Variants in WSCD2 observed in about 807,000 individuals in gnomAD.
The protein encoded by WSCD2 is WSC domain sialate O sulfotransferase 2.
Under a neutral mutation model 55.7 loss-of-function variants are expected in WSCD2, and 28 were observed. That is an observed-to-expected ratio of 0.50 (90% CI 0.37 to 0.69). The LOEUF (loss-of-function observed/expected upper bound fraction) is 0.69, where lower values mean the gene tolerates loss of function less well. WSCD2 is among the 30% of genes least tolerant of loss of function. WSCD2 has a pLI of 0.00. For synonymous variants in WSCD2, 301 were observed against 301.9 expected, an observed-to-expected ratio of 1.00 and a Z score of 0.03; for missense variants, 616 against 762.1, an observed-to-expected ratio of 0.81 and a Z score of 2.26.
intron 1 of WSCD2, among the ~76,000 whole-genome samples, chr12:108,141,530 C>T (rs1300437494): frequency 3.9e-5 from 6 of 152,188 alleles, no homozygotes; most frequent in Non-Finnish European, 8.8e-5. Flanking sequence ...CATTGGAGGG[C>T]TGCCCATATT....
At chr12:108,243,386 C>G (rs1421686028) in intron 8 of WSCD2, among the ~76,000 whole-genome samples, 1 of 152,104 alleles carries the variant, frequency 6.6e-6, no homozygotes, top group African/African-American at 2.4e-5. Flanking sequence ...TACAGGTGCC[C>G]AGCACCACAC....
At chr12:108,237,041 G>C (rs1889328759) in intron 7 of WSCD2, among the ~76,000 whole-genome samples, 1 of 152,240 alleles carries the variant, frequency 6.6e-6, no homozygotes, top group Non-Finnish European at 1.5e-5. Flanking sequence ...CCCAGCTGAT[G>C]CAGGACAACA....
chr12:108,248,551 C>T lies in WSCD2; in HGVS notation c.*208C>T, dbSNP rs1316579085. The T allele has an allele frequency of 3.6e-6, 5 of 1,375,498 alleles. No individual in the cohort carries two copies. In the East Asian group the frequency reaches 1.3e-4, roughly 37 times the overall value. The allele number at this position is 1,375,498 out of a possible 1,614,324, so 85.2% of individuals were successfully genotyped here. ...GGCACTACCACTCTGCTCACATGTT[C>T]CCCCCTTGGCAATGTGGGGCATCTT... On this transcript the variant is annotated 3_prime_UTR_variant, in exon 9 of 9. Coordinates refer to ENST00000547525, the MANE Select transcript of WSCD2 (RefSeq NM_014653.4). The surrounding 1 kb of genome is among the most constrained non-coding windows in gnomAD (Gnocchi z 4.3).
Position 108,224,840 on chromosome 12 carries a change from G to A in WSCD2, c.784G>A (p.Val262Met), listed in dbSNP as rs758442750. ...AMLNMSVDKCVDFCTEKEYPL... is the reference protein window; with the variant it reads ...AMLNMSVDKCMDFCTEKEYPL... The stretch of plus-strand genomic sequence containing the variant: ...GCTGAACATGTCTGTGGACAAATGC[G>A]TGGACTTCTGCACTGAGAAGGTGAG... Residue 262 changes from valine (V) to methionine (M), a missense_variant, in exon 5 of 9, where the codon GTG becomes ATG. Val to Met is a conservative substitution (Grantham distance 21, BLOSUM62 1). Transcript: ENST00000547525. The A allele has an allele frequency of 1.9e-5, 31 of 1,613,542 alleles. No individual in the cohort carries two copies. The East Asian group carries it at 2.7e-4, about 14-fold the overall frequency.
At chr12:108,136,695 A>G (rs919442436) in intron 1 of WSCD2, among the ~76,000 whole-genome samples, 35 of 151,796 alleles carry the variant, frequency 2.3e-4, no homozygotes, top group Non-Finnish European at 4.6e-4. Context: ...AGCGCATGGC[A>G]GAGCCCACGT....
At chr12:108,147,614 T>G (rs1877537256) in intron 1 of WSCD2, among the ~76,000 whole-genome samples, 1 of 152,128 alleles carries the variant, frequency 6.6e-6, no homozygotes, top group African/African-American at 2.4e-5. Flanking sequence ...TGGTGGCTCA[T>G]GCCTGTAATT....
chr12:108,133,751 C>T (rs920062779), intron 1 of WSCD2, among the ~76,000 whole-genome samples: 4 of 152,168 alleles, frequency 2.6e-5, no homozygotes, highest in Non-Finnish European at 5.9e-5. Flanking sequence ...CCCCTGCCCC[C>T]GCCTCCCTCA....
At chr12:108,238,047 T>C (rs755803128) in intron 7 of WSCD2, among the ~76,000 whole-genome samples, 3 of 152,220 alleles carry the variant, frequency 2.0e-5, no homozygotes, top group African/African-American at 7.2e-5. Context: ...AATGAAACCA[T>C]GGATGGAAAG....
chr12:108,210,108 C>T lies in WSCD2; in HGVS notation c.498-13C>T, dbSNP rs373727021. 141 of 1,613,926 alleles carry T rather than the reference C, an allele frequency of 8.7e-5. No homozygotes were observed. Among genetic ancestry groups the T allele is most frequent in the Non-Finnish European group, 1.1e-4 (133 of 1,179,988 alleles). On this transcript the variant is annotated splice_polypyrimidine_tract_variant and intron_variant, in intron 3 of 8. Transcript: ENST00000547525. The surrounding 1 kb of genome is among the most constrained non-coding windows in gnomAD (Gnocchi z 4.3). ...TGGTGGCAGCTACCCTGCTTGACAG[C>T]AGCCTCCCCCAGGGGTTACCTGTAT... is the stretch of plus-strand genomic sequence containing the variant.
chr12:108,204,781 G>C (rs1258080366), intron 2 of WSCD2, among the ~76,000 whole-genome samples: 5 of 152,202 alleles, frequency 3.3e-5, no homozygotes, highest in African/African-American at 1.2e-4. Flanking sequence ...AAAAAATAGT[G>C]CACTTAGCAG....
intron 1 of WSCD2, among the ~76,000 whole-genome samples, chr12:108,133,009 G>C (rs896534998): frequency 6.6e-6 from 1 of 152,108 alleles, no homozygotes; most frequent in Non-Finnish European, 1.5e-5. Flanking sequence ...GTTTCTGAAC[G>C]TGTGTATCCG....
At chr12:108,208,192 T>A (rs1456893764) in intron 3 of WSCD2, among the ~76,000 whole-genome samples, 1 of 152,220 alleles carries the variant, frequency 6.6e-6, no homozygotes, top group Non-Finnish European at 1.5e-5. Flanking sequence ...GCTTCCCATC[T>A]GGTTGGGGAG....
chr12:108,133,622 C>CCGTGCACCTTCCGAGTGTTGATT (rs1219396102), intron 1 of WSCD2, among the ~76,000 whole-genome samples: 20 of 152,168 alleles, frequency 1.3e-4, no homozygotes, highest in Admixed American at 5.9e-4. Flanking sequence ...TGTGCTTGTG[C>CCGTGCACCTTCCGAGTGTTGATT]CGTGCACCTT....
intron 4 of WSCD2, among the ~76,000 whole-genome samples, chr12:108,220,042 A>C (rs989923784): frequency 3.3e-5 from 5 of 152,120 alleles, no homozygotes; most frequent in Admixed American, 3.3e-4. Flanking sequence ...GGAGAGAGAA[A>C]ATCAATGTCC....
At position 108,248,779 on chromosome 12, in the gene WSCD2, C is replaced by G. The variant is rs1395385589; in HGVS notation, c.*436C>G. ...GCCCCAGATGCTTGTCCCTTCTGGG[C>G]TGAGATTTCGCAGCCCCCTTCTCAT... is the stretch of plus-strand genomic sequence containing the variant. On this transcript the variant is annotated 3_prime_UTR_variant, in exon 9 of 9. Coordinates refer to ENST00000547525, the MANE Select transcript of WSCD2 (RefSeq NM_014653.4). The surrounding 1 kb of genome is among the most constrained non-coding windows in gnomAD (Gnocchi z 4.3). 1.0e-6 allele frequency: 1 copy of G among 993,188 alleles called. No homozygotes were observed. The highest frequency in any genetic ancestry group is 1.2e-6 in the Non-Finnish European group (1 of 833,930). 61.5% of individuals were successfully genotyped at this position (993,188 alleles called of 1,614,324 possible).
At chr12:108,196,431 A>G (rs891373616) in intron 2 of WSCD2, 7 of 675,664 alleles carry the variant, frequency 1.0e-5, no homozygotes, top group Non-Finnish European at 1.6e-5. Flanking sequence ...ACAGCTTGTC[A>G]AGAGGCAAGT....
intron 8 of WSCD2, among the ~76,000 whole-genome samples, chr12:108,242,564 A>G (rs1373063948): frequency 6.6e-6 from 1 of 152,188 alleles, no homozygotes; most frequent in Admixed American, 6.5e-5. Context: ...CCCAGTGCCC[A>G]GGCTGCACCC....
chr12:108,223,219 C>CA (rs1887720147), intron 4 of WSCD2, among the ~76,000 whole-genome samples: 1 of 152,210 alleles, frequency 6.6e-6, no homozygotes, highest in Non-Finnish European at 1.5e-5. Context: ...AATGTTTCAC[C>CA]AAACAACTGG....
chr12:108,152,799 C>T (rs1443118156), intron 1 of WSCD2, among the ~76,000 whole-genome samples: 2 of 152,178 alleles, frequency 1.3e-5, no homozygotes, highest in East Asian at 1.9e-4. Flanking sequence ...CTTTGTTTCC[C>T]CATTTAAAAC....
Sources: gnomAD v4.1 joint callset for allele counts (sites outside exome capture counted in the v4.1 genomes callset) on GRCh38, gnomAD v4.1.1 for gene constraint, Gnocchi (gnomAD v3.1) non-coding constraint, MANE v1.5 for transcripts, NCBI Gene and HGNC (gene_info 2026-07-23, HGNC 2026-07-21) for gene names.